GLMN: variants seen among roughly 807,000 people sequenced by gnomAD.
GLMN encodes the protein glomulin.
In GLMN, 75 loss-of-function variants were observed where a neutral mutation model predicts 87.8. The ratio of observed to expected loss-of-function variants is 0.85; its 90% CI spans 0.71 to 1.04. The LOEUF (loss-of-function observed/expected upper bound fraction) is 1.04. Among genes scored for constraint, GLMN ranks in the 50% least tolerant of loss-of-function variants. The probability of loss-of-function intolerance (pLI) is 0.00; values close to 1 mark genes in which losing one functional copy is unlikely to be tolerated. For synonymous variants in GLMN, 206 were observed against 221.6 expected, an observed-to-expected ratio of 0.93 and a Z score of 0.63; for missense variants, 588 against 658.8, an observed-to-expected ratio of 0.89 and a Z score of 1.18.
chr1:92,331,342 A>G, the GLMN span, among the ~76,000 whole-genome samples: 1 of 152,162 alleles, frequency 6.6e-6, no homozygotes, highest in Non-Finnish European at 1.5e-5. Flanking sequence ...TCATGTCACA[A>G]TTGGTATACA....
At chr1:92,345,895 G>A in the GLMN span, 3 of 1,604,722 alleles carry the variant, frequency 1.9e-6, no homozygotes, top group Non-Finnish European at 2.6e-6. Context: ...GACTTTAATT[G>A]CTATGGTGTT....
intron 16 of GLMN, among the ~76,000 whole-genome samples, chr1:92,257,116 CAG>C (rs562405398): frequency 1.3e-5 from 2 of 152,104 alleles, no homozygotes; most frequent in African/African-American, 2.4e-5. Context: ...CAATAATAAA[CAG>C]AGAGCCAAAT....
At chr1:92,345,215 C>T in the GLMN span, among the ~76,000 whole-genome samples, 2 of 151,446 alleles carry the variant, frequency 1.3e-5, no homozygotes, top group Non-Finnish European at 2.9e-5. Context: ...AATTGCTTAC[C>T]TTAAGCCAGA....
chr1:92,281,691 CA>C (rs1648072336), intron 7 of GLMN, among the ~76,000 whole-genome samples: 1 of 151,712 alleles, frequency 6.6e-6, no homozygotes, highest in African/African-American at 2.4e-5. Context: ...AATAAAGAGT[CA>C]AAACCCATTG....
chr1:92,246,850 G>C (rs915808131), intron 18 of GLMN, among the ~76,000 whole-genome samples: 13 of 152,114 alleles, frequency 8.5e-5, no homozygotes, highest in Non-Finnish European at 2.9e-5. Flanking sequence ...GAGCAACATA[G>C]TGAGACCCTA....
the GLMN span, among the ~76,000 whole-genome samples, chr1:92,340,947 A>G: frequency 2.0e-5 from 3 of 152,326 alleles, no homozygotes; most frequent in Non-Finnish European, 2.9e-5. Flanking sequence ...AAATTTAATC[A>G]GTGATGAATC....
At chr1:92,259,732 CTTTTTT>C (rs58390058) in intron 16 of GLMN, among the ~76,000 whole-genome samples, 6 of 108,192 alleles carry the variant, frequency 5.5e-5, no homozygotes, top group Admixed American at 1.1e-4. Flanking sequence ...TTTTTTCTTT[CTTTTTT>C]TTTTTTTTTT....
At chr1:92,357,938 T>C in the GLMN span, among the ~76,000 whole-genome samples, 1 of 152,236 alleles carries the variant, frequency 6.6e-6, no homozygotes, top group Admixed American at 6.5e-5. Flanking sequence ...CTCGTTTGTT[T>C]GTTTTAGACA....
chr1:92,361,017 T>C, the GLMN span, among the ~76,000 whole-genome samples: 2 of 151,694 alleles, frequency 1.3e-5, no homozygotes, highest in Non-Finnish European at 2.9e-5. Flanking sequence ...CCTTCTCACC[T>C]TCCATGACCC....
At chr1:92,363,640 A>T in the GLMN span, 1 of 257,280 alleles carries the variant, frequency 3.9e-6, no homozygotes. Flanking sequence ...TTCTATGCGG[A>T]TATTTTTCCA....
At chr1:92,259,612 A>G (rs1654739759) in intron 16 of GLMN, among the ~76,000 whole-genome samples, 1 of 152,028 alleles carries the variant, frequency 6.6e-6, no homozygotes, top group South Asian at 2.1e-4. Context: ...TCATCTGACT[A>G]ATTACCCTCT....
At position 92,291,414 on chromosome 1, in the gene GLMN, T is replaced by G. The variant is rs1557567772; in HGVS notation, c.285+4A>C. The stretch of plus-strand genomic sequence containing the variant: ...ATAAAGAGAACCTTGTTTTGTTAAC[T>G]TACCTTTACCAATAAATCAAAGATC... On this transcript the variant is annotated splice_donor_region_variant and intron_variant, in intron 4 of 18. Coordinates refer to ENST00000370360, the MANE Select transcript of GLMN (RefSeq NM_053274.3). The G allele has an allele frequency of 6.4e-7, 1 of 1,560,600 alleles. No homozygotes were observed. The highest frequency in any genetic ancestry group is 8.8e-7 in the Non-Finnish European group (1 of 1,131,566).
chr1:92,259,973 G>A (rs1212044002), intron 16 of GLMN, among the ~76,000 whole-genome samples: 1 of 151,934 alleles, frequency 6.6e-6, no homozygotes, highest in Non-Finnish European at 1.5e-5. Context: ...CTGACTTCAT[G>A]AACCGCCCGC....
the GLMN span, among the ~76,000 whole-genome samples, chr1:92,340,460 C>T: frequency 2.0e-5 from 3 of 152,216 alleles, no homozygotes; most frequent in South Asian, 6.2e-4. Flanking sequence ...AAAGAGTTGA[C>T]ATAAATAACC....
At chr1:92,276,926 T>C (rs1214653536) in intron 7 of GLMN, among the ~76,000 whole-genome samples, 2 of 152,210 alleles carry the variant, frequency 1.3e-5, no homozygotes, top group African/African-American at 2.4e-5. Context: ...TGAATGTTTG[T>C]AAATTTTTAC....
rs1401221223 is a variant in GLMN at position 92,298,927 on chromosome 1, G to A, written c.-33C>T. 2 of 477,174 alleles carry A rather than the reference G, an allele frequency of 4.2e-6. No homozygotes were observed. The highest frequency in any genetic ancestry group is 3.7e-6 in the Non-Finnish European group (1 of 268,204). The allele number at this position is 477,174 out of a possible 1,614,324, so 29.6% of individuals were successfully genotyped here. On this transcript the variant is annotated splice_region_variant and 5_prime_UTR_variant, in exon 1 of 19. Transcript: ENST00000370360. Reference sequence around the variant, plus strand: ...AACCTCTCCACAACTCCACTTACCGGCCAGAACCCTCGCCTCTCCCAGCCG... The same window carrying A: ...AACCTCTCCACAACTCCACTTACCGACCAGAACCCTCGCCTCTCCCAGCCG...
the GLMN span, among the ~76,000 whole-genome samples, chr1:92,332,134 T>A: frequency 6.6e-6 from 1 of 151,998 alleles, no homozygotes; most frequent in Admixed American, 6.6e-5. Context: ...CTGTATCTTG[T>A]AGGTCTCTTA....
chr1:92,356,728 C>G, the GLMN span, among the ~76,000 whole-genome samples: 1 of 151,692 alleles, frequency 6.6e-6, no homozygotes, highest in Non-Finnish European at 1.5e-5. Context: ...AGCCACCACA[C>G]CTGGCCCATT....
chr1:92,361,458 G>A, the GLMN span, among the ~76,000 whole-genome samples: 85 of 152,150 alleles, frequency 5.6e-4, no homozygotes, highest in African/African-American at 2.0e-3. Flanking sequence ...ATGGACTTAT[G>A]GCATAGATTT....
Sources: gnomAD v4.1 joint callset for allele counts (sites outside exome capture counted in the v4.1 genomes callset) on GRCh38, gnomAD v4.1.1 for gene constraint, MANE v1.5 for transcripts, NCBI Gene and HGNC (gene_info 2026-07-23, HGNC 2026-07-21) for gene names.